The following FSIP1 variants were observed in gnomAD, a reference collection of about 807,000 sequenced individuals.
The protein encoded by FSIP1 is fibrous sheath-interacting protein 1.
FSIP1 carries 65 observed loss-of-function variants against 60.9 expected under a neutral mutation model. The ratio of observed to expected loss-of-function variants is 1.07; its 90% CI spans 0.87 to 1.31. The LOEUF is 1.31. FSIP1 is among the 40% of genes most tolerant of loss of function. The pLI is 0.00. For synonymous variants in FSIP1, 209 were observed against 221.2 expected, an observed-to-expected ratio of 0.94 and a Z score of 0.49; for missense variants, 675 against 665.5, an observed-to-expected ratio of 1.01 and a Z score of -0.16.
chr15:39,751,587 T>C (rs917957906), intron 5 of FSIP1, among the ~76,000 whole-genome samples: 1 of 151,164 alleles, frequency 6.6e-6, no homozygotes. Context: ...ATCTCACTTA[T>C]ATGTGGAATC....
intron 11 of FSIP1, among the ~76,000 whole-genome samples, chr15:39,617,331 T>C (rs551125690): frequency 3.9e-5 from 6 of 152,306 alleles, no homozygotes; most frequent in South Asian, 2.1e-4. Flanking sequence ...GAAACTAATA[T>C]AACCACAATG....
chr15:39,710,210 T>C (rs1309029367), intron 10 of FSIP1, among the ~76,000 whole-genome samples: 1 of 151,996 alleles, frequency 6.6e-6, no homozygotes, highest in African/African-American at 2.4e-5. Flanking sequence ...GGGCCAGGCA[T>C]GGTGGCTCAA....
intron 10 of FSIP1, among the ~76,000 whole-genome samples, chr15:39,692,745 TAAAAAAAA>T (rs35573315): frequency 6.8e-6 from 1 of 147,018 alleles, no homozygotes; most frequent in African/African-American, 2.5e-5. Flanking sequence ...ACCCTAGGTT[TAAAAAAAA>T]AAGAAAGAAA....
intron 9 of FSIP1, among the ~76,000 whole-genome samples, chr15:39,724,239 G>A (rs1896097834): frequency 6.6e-6 from 1 of 151,416 alleles, no homozygotes; most frequent in Admixed American, 6.6e-5. Flanking sequence ...ATAAGAAAAT[G>A]GGACCATATT....
rs780415215 is a variant in FSIP1 at position 39,763,915 on chromosome 15, C to T, written c.466-1G>A. 5 of 1,510,560 alleles carry T rather than the reference C, an allele frequency of 3.3e-6. No individual in the cohort carries two copies. Among genetic ancestry groups the T allele is most frequent in the Non-Finnish European group, 4.6e-6 (5 of 1,096,618 alleles). 93.6% of individuals were successfully genotyped at this position (1,510,560 alleles called of 1,614,324 possible). A position where few individuals can be genotyped will look rare whatever the true frequency, so the allele number is the denominator to read the frequency against. ...GCCAAGCTTCACTATATTTTGCAGA[C>T]TAATGAAAGGAAAATTAAAATTTAA... On this transcript the variant is annotated splice_acceptor_variant, in intron 4 of 11. Coordinates refer to ENST00000350221, the MANE Select transcript of FSIP1 (RefSeq NM_152597.5). LOFTEE classifies it high-confidence loss of function.
At chr15:39,678,952 T>C (rs1894052869) in intron 10 of FSIP1, among the ~76,000 whole-genome samples, 1 of 152,234 alleles carries the variant, frequency 6.6e-6, no homozygotes. Context: ...GTTATCTTTT[T>C]TCTTTAATCC....
At position 39,739,744 on chromosome 15, in the gene FSIP1, C is replaced by A. The variant is rs145528419; in HGVS notation, c.701G>T (p.Gly234Val). Residue 234 changes from glycine to valine, a missense_variant, in exon 7 of 12, where the codon GGA (glycine) becomes GTA (valine). By Grantham distance (109) the Gly-to-Val change is moderately radical (BLOSUM62 -3). Coordinates refer to ENST00000350221, the MANE Select transcript of FSIP1 (RefSeq NM_152597.5). Reference protein sequence around the residue: ...VERNESLIKSGKKPFSNTEKI... With the variant: ...VERNESLIKSVKKPFSNTEKI... ...TTCTGTATTCGAGAAAGGTTTCTTT[C>A]CTGATTTGATCAATGACTCATTTCT... 6.3e-7 allele frequency: 1 copy of A among 1,594,218 alleles called. No homozygotes were observed. Among genetic ancestry groups the A allele is most frequent in the South Asian group, 1.2e-5 (1 of 86,446 alleles).
At chr15:39,654,636 G>A (rs1161233191) in intron 10 of FSIP1, among the ~76,000 whole-genome samples, 1 of 152,216 alleles carries the variant, frequency 6.6e-6, no homozygotes, top group East Asian at 1.9e-4. Flanking sequence ...GAGGAAGCAA[G>A]AGCATATATT....
intron 10 of FSIP1, among the ~76,000 whole-genome samples, chr15:39,644,274 C>A (rs1049914512): frequency 9.2e-5 from 14 of 152,336 alleles, no homozygotes; most frequent in African/African-American, 3.4e-4. Context: ...GCATTAACTT[C>A]CAGCTGCCCG....
chr15:39,736,277 A>G (rs1896605453), intron 8 of FSIP1, among the ~76,000 whole-genome samples: 1 of 152,120 alleles, frequency 6.6e-6, no homozygotes, highest in African/African-American at 2.4e-5. Flanking sequence ...CCCCTACTTC[A>G]TCAGCCCCAG....
chr15:39,769,915 C>T (rs1006140891), intron 3 of FSIP1, among the ~76,000 whole-genome samples: 12 of 152,144 alleles, frequency 7.9e-5, no homozygotes, highest in Non-Finnish European at 1.5e-5. Flanking sequence ...CAGCTTTTAC[C>T]TTGCAGAGCC....
intron 10 of FSIP1, among the ~76,000 whole-genome samples, chr15:39,704,337 C>T (rs891501742): frequency 2.6e-5 from 4 of 152,194 alleles, no homozygotes; most frequent in South Asian, 2.1e-4. Flanking sequence ...CATTAATGTA[C>T]GAATGCCAAA....
At chr15:39,611,455 A>G (rs973169573) in intron 11 of FSIP1, among the ~76,000 whole-genome samples, 4 of 152,194 alleles carry the variant, frequency 2.6e-5, no homozygotes, top group African/African-American at 4.8e-5. Context: ...CCCAGCCTGT[A>G]CAAGATGTTT....
intron 4 of FSIP1, 29 bp downstream of exon 4, chr15:39,765,563 A>G (rs368781248): frequency 7.9e-6 from 12 of 1,515,704 alleles, no homozygotes; most frequent in African/African-American, 7.1e-5. Context: ...TATTTCTTAC[A>G]TGTCAGCATA....
intron 10 of FSIP1, among the ~76,000 whole-genome samples, chr15:39,643,862 A>C (rs925121199): frequency 3.3e-5 from 5 of 152,240 alleles, no homozygotes; most frequent in Admixed American, 6.5e-5. Flanking sequence ...TTCAAAACTT[A>C]GTATCAATCA....
rs71132108 is a variant in FSIP1, at chr15:39,646,520, C to CAAAAAAAAAAAAA, written c.1189-28288_1189-28276dup. 6.6e-4 allele frequency among the ~76,000 whole-genome samples: 18 copies of CAAAAAAAAAAAAA among 27,114 alleles called. 4 individuals are homozygous for CAAAAAAAAAAAAA. Among genetic ancestry groups the CAAAAAAAAAAAAA allele is most frequent in the East Asian group, 1.8e-3 (1 of 570 alleles). The allele number at this position is 27,114 out of a possible 152,430, so 17.8% of individuals were successfully genotyped here. A position where few individuals can be genotyped will look rare whatever the true frequency, so the allele number is the denominator to read the frequency against. ...GTAACATAGCGAGACCTCATCTCTACAAAAAAAAAAAAAAAAAAAAAAAAA... is the reference window on the plus strand; with the variant it reads ...GTAACATAGCGAGACCTCATCTCTACAAAAAAAAAAAAAAAAAAAAAAAAAAAAAAAAAAAAAA... On this transcript the variant is annotated intron_variant, in intron 10 of 11. Coordinates refer to ENST00000350221, the MANE Select transcript of FSIP1 (RefSeq NM_152597.5).
intron 10 of FSIP1, among the ~76,000 whole-genome samples, chr15:39,661,203 A>G (rs370050228): frequency 9.8e-5 from 15 of 152,362 alleles, no homozygotes; most frequent in African/African-American, 3.6e-4. Flanking sequence ...AAGGAGCTAC[A>G]TATTTCCCTG....
rs74008650 is a variant in FSIP1 at position 39,636,038 on chromosome 15, C to T, written c.1189-17793G>A. On this transcript the variant is annotated intron_variant, in intron 10 of 11. Transcript: ENST00000350221. ...CAAGGAAAACAATTGGAATACAGCT[C>T]TCCATACCCATGATATATCCCCTCC... Among the ~76,000 whole-genome samples, 729 of 152,228 alleles carry T rather than the reference C, an allele frequency of 4.8e-3. 2 individuals are homozygous for T. Among genetic ancestry groups the T allele is most frequent in the Middle Eastern group, 0.02 (6 of 294 alleles).
intron 11 of FSIP1, 39 bp downstream of exon 11, chr15:39,617,696 A>G: frequency 6.4e-7 from 1 of 1,557,406 alleles, no homozygotes; most frequent in Middle Eastern, 1.7e-4. Flanking sequence ...AGGTGCTTTT[A>G]AGAATTATTT....
Sources: allele counts gnomAD v4.1 joint callset (sites outside exome capture counted in the v4.1 genomes callset), GRCh38; gene constraint gnomAD v4.1.1; transcripts MANE v1.5; gene names NCBI Gene and HGNC (gene_info 2026-07-23, HGNC 2026-07-21).